SOBP: variants seen among roughly 807,000 people sequenced by gnomAD.
SOBP encodes sine oculis binding protein homolog.
Under a neutral mutation model 53.6 loss-of-function variants are expected in SOBP, and 4 were observed. The observed-to-expected ratio is 0.07, with a 90% confidence interval of 0.04 to 0.17. SOBP has a LOEUF of 0.17. Among genes scored for constraint, SOBP ranks in the 10% least tolerant of loss-of-function variants. SOBP has a pLI of 1.00. For missense variants in SOBP, 1,088 were observed against 1,204.7 expected (o/e 0.90, Z 1.43); for synonymous variants, 584 against 522.6 (o/e 1.12, Z -1.60).
At chr6:107,595,681 A>G (rs560758608) in intron 5 of SOBP, among the ~76,000 whole-genome samples, 1 of 152,328 alleles carries the variant, frequency 6.6e-6, no homozygotes, top group East Asian at 1.9e-4. Flanking sequence ...AATATTAATC[A>G]TATTCAGTCA....
rs9486628 is a variant in SOBP, at chr6:107,498,794, C to T, written c.97-4863C>T. Among the ~76,000 whole-genome samples, 831 of 152,194 alleles carry T rather than the reference C, an allele frequency of 5.5e-3. 13 individuals carry two copies. Among genetic ancestry groups the T allele is most frequent in the African/African-American group, 0.019 (776 of 41,540 alleles). ...CTTTTTTTGTTTTTGTTTTAATTCT[C>T]AGAAGAGATCATGCTTTCAGACTAA... On this transcript the variant is annotated intron_variant, in intron 1 of 6. Coordinates refer to ENST00000317357, the MANE Select transcript of SOBP (RefSeq NM_018013.4).
intron 5 of SOBP, among the ~76,000 whole-genome samples, chr6:107,596,583 A>T (rs964413476): frequency 1.2e-4 from 19 of 152,342 alleles, no homozygotes; most frequent in African/African-American, 4.3e-4. Context: ...GAAATGTTAA[A>T]TCAATTAAGA....
intron 5 of SOBP, among the ~76,000 whole-genome samples, chr6:107,617,858 C>T (rs138023972): frequency 1.6e-3 from 202 of 125,482 alleles, no homozygotes; most frequent in African/African-American, 5.7e-3. Context: ...GAGACGGAGT[C>T]TCTCTGTCGC....
At chr6:107,534,899 AGG>A (rs934809134) in intron 4 of SOBP, among the ~76,000 whole-genome samples, 6 of 152,158 alleles carry the variant, frequency 3.9e-5, no homozygotes, top group Non-Finnish European at 8.8e-5. Flanking sequence ...GTTTTAATAT[AGG>A]GGGATTAAAA....
At chr6:107,537,885 T>TA (rs1410741944) in intron 4 of SOBP, among the ~76,000 whole-genome samples, 1 of 149,932 alleles carries the variant, frequency 6.7e-6, no homozygotes, top group African/African-American at 2.5e-5. Flanking sequence ...CCCCAGCAGA[T>TA]CACAGTGGGA....
intron 3 of SOBP, among the ~76,000 whole-genome samples, chr6:107,517,967 G>A (rs761750387): frequency 2.6e-5 from 4 of 152,052 alleles, no homozygotes; most frequent in Non-Finnish European, 5.9e-5. Flanking sequence ...CCTTGAATTC[G>A]CCATAGTGCA....
At chr6:107,516,006 A>C (rs899879421) in intron 3 of SOBP, among the ~76,000 whole-genome samples, 21 of 152,324 alleles carry the variant, frequency 1.4e-4, no homozygotes, top group African/African-American at 4.8e-4. Context: ...ATTTTGATAA[A>C]ATTTAGCACT....
Position 107,533,446 on chromosome 6 carries a change from A to G in SOBP, c.422-13A>G, listed in dbSNP as rs762264539. The G allele has an allele frequency of 1.6e-5, 26 of 1,613,804 alleles. No homozygotes were observed. The highest frequency in any genetic ancestry group is 2.1e-5 in the Non-Finnish European group (25 of 1,179,942). On this transcript the variant is annotated splice_polypyrimidine_tract_variant and intron_variant, in intron 3 of 6. Coordinates refer to ENST00000317357, the MANE Select transcript of SOBP (RefSeq NM_018013.4). The stretch of plus-strand genomic sequence containing the variant: ...CTTCTGATATGAACATTTTTCTTAT[A>G]CTTTTATTATAGAAGATGATGTGTC...
intron 4 of SOBP, among the ~76,000 whole-genome samples, chr6:107,565,623 G>C (rs1436820994): frequency 2.0e-5 from 3 of 152,196 alleles, no homozygotes; most frequent in Non-Finnish European, 2.9e-5. Flanking sequence ...TGGGATGAAT[G>C]GGTAGAGCCC....
intron 5 of SOBP, 31 bp from the exon 6 acceptor site, chr6:107,633,483 C>T (rs772463038): frequency 1.2e-6 from 2 of 1,614,064 alleles, no homozygotes; most frequent in South Asian, 1.1e-5. Flanking sequence ...GCTTGTCTTA[C>T]CTGTTGTGGT....
At chr6:107,624,936 G>A (rs957785613) in intron 5 of SOBP, among the ~76,000 whole-genome samples, 2 of 152,204 alleles carry the variant, frequency 1.3e-5, no homozygotes, top group Non-Finnish European at 2.9e-5. Flanking sequence ...TTGTAGGAAA[G>A]TGCAAAAAAC....
intron 3 of SOBP, among the ~76,000 whole-genome samples, chr6:107,528,445 A>G (rs1783726579): frequency 1.3e-5 from 2 of 152,194 alleles, no homozygotes; most frequent in South Asian, 4.2e-4. Flanking sequence ...TGTGGGTAGA[A>G]TAACTGCTTG....
intron 4 of SOBP, among the ~76,000 whole-genome samples, chr6:107,586,254 G>GC (rs1424519537): frequency 6.6e-6 from 1 of 152,192 alleles, no homozygotes. Flanking sequence ...AGCAGTTAGG[G>GC]CTAAGATGAG....
chr6:107,591,596 C>T (rs1173970763), intron 5 of SOBP, among the ~76,000 whole-genome samples: 2 of 151,972 alleles, frequency 1.3e-5, no homozygotes, highest in Non-Finnish European at 2.9e-5. Context: ...TGCACTGCAC[C>T]CAGGTTAGTA....
Position 107,630,750 on chromosome 6 carries a change from GTCTCTCTCTCTC to G in SOBP, c.670-2741_670-2730del, listed in dbSNP as rs60388300. 1.4e-3 allele frequency among the ~76,000 whole-genome samples: 211 copies of G among 148,604 alleles called. 3 individuals carry two copies. The highest frequency in any genetic ancestry group is 6.9e-3 in the Middle Eastern group (2 of 290). The stretch of plus-strand genomic sequence containing the variant: ...ACACACACACACACACACACACTCT[GTCTCTCTCTCTC>G]TCTCTCTCTCTCTCTCTCTCTCACG... On this transcript the variant is annotated intron_variant, in intron 5 of 6. Transcript: ENST00000317357.
At chr6:107,621,332 C>G (rs538075842) in intron 5 of SOBP, among the ~76,000 whole-genome samples, 1 of 152,300 alleles carries the variant, frequency 6.6e-6, no homozygotes, top group South Asian at 2.1e-4. Context: ...AGTGGAGAAT[C>G]CAGTATTTGT....
At chr6:107,542,897 C>A (rs751681861) in intron 4 of SOBP, among the ~76,000 whole-genome samples, 12 of 151,924 alleles carry the variant, frequency 7.9e-5, no homozygotes, top group Non-Finnish European at 1.6e-4. Context: ...GAGGTTAGGG[C>A]CTCAGAAGGC....
At chr6:107,647,552 G>A (rs1265044703) in intron 6 of SOBP, among the ~76,000 whole-genome samples, 2 of 152,224 alleles carry the variant, frequency 1.3e-5, no homozygotes, top group East Asian at 3.8e-4. Context: ...CCTTGGATGT[G>A]TAATGGAAAA....
intron 6 of SOBP, among the ~76,000 whole-genome samples, chr6:107,640,862 C>A (rs1322683581): frequency 2.0e-5 from 3 of 152,188 alleles, no homozygotes; most frequent in African/African-American, 7.2e-5. Flanking sequence ...TGAGGAGGCA[C>A]CCACTCAGGG....
Sources: gnomAD v4.1 joint callset for allele counts (sites outside exome capture counted in the v4.1 genomes callset) on GRCh38, gnomAD v4.1.1 for gene constraint, MANE v1.5 for transcripts, NCBI Gene and HGNC (gene_info 2026-07-23, HGNC 2026-07-21) for gene names.